SGCZ: variants seen among roughly 807,000 people sequenced by gnomAD.
SGCZ encodes the protein sarcoglycan zeta.
SGCZ carries 40 observed loss-of-function variants against 41.3 expected under a neutral mutation model. That is an observed-to-expected ratio of 0.97 (90% confidence interval 0.75 to 1.26). SGCZ has a LOEUF of 1.26. SGCZ is among the 50% of genes most tolerant of loss of function. The pLI is 0.00. For missense variants in SGCZ, 552 were observed against 369.8 expected (o/e 1.49, Z -4.04); for synonymous variants, 206 against 137.5 (o/e 1.50, Z -3.49).
chr8:14,592,393 G>C (rs1805268446), intron 1 of SGCZ, among the ~76,000 whole-genome samples: 2 of 151,988 alleles, frequency 1.3e-5, no homozygotes, highest in African/African-American at 4.8e-5. Flanking sequence ...ATTTTCTACT[G>C]TCATTGCTTT....
intron 5 of SGCZ, among the ~76,000 whole-genome samples, chr8:14,144,670 C>G (rs1362579848): frequency 6.6e-6 from 1 of 151,900 alleles, no homozygotes; most frequent in Non-Finnish European, 1.5e-5. Flanking sequence ...GAGCACCAAG[C>G]AGGCTCCTGG....
intron 1 of SGCZ, among the ~76,000 whole-genome samples, chr8:15,061,822 T>C (rs1468946191): frequency 1.3e-5 from 2 of 152,150 alleles, no homozygotes; most frequent in Non-Finnish European, 2.9e-5. Context: ...TATTTTGGTA[T>C]AACAGCACAA....
intron 1 of SGCZ, among the ~76,000 whole-genome samples, chr8:14,635,982 A>T (rs1806815204): frequency 6.6e-6 from 1 of 151,952 alleles, no homozygotes; most frequent in Non-Finnish European, 1.5e-5. Context: ...CTACCCAAGA[A>T]GGTTTGGTTA....
At chr8:14,783,879 G>C (rs775241007) in intron 1 of SGCZ, among the ~76,000 whole-genome samples, 8 of 152,136 alleles carry the variant, frequency 5.3e-5, no homozygotes, top group Non-Finnish European at 1.0e-4. Context: ...ACAAAGATAA[G>C]TGGAAAGTTT....
chr8:14,148,239 T>C (rs1047103484), intron 5 of SGCZ, among the ~76,000 whole-genome samples: 1 of 151,420 alleles, frequency 6.6e-6, no homozygotes, highest in South Asian at 2.1e-4. Flanking sequence ...TTTTAAAAAG[T>C]ACAAAATATC....
rs192473732 is a variant in SGCZ, at chr8:14,823,151, C to T, written c.40-268225G>A. Among the ~76,000 whole-genome samples the T allele has an allele frequency of 4.2e-3, 624 of 148,632 alleles. 6 individuals carry two copies. Among genetic ancestry groups the T allele is most frequent in the African/African-American group, 0.015 (595 of 40,388 alleles). On this transcript the variant is annotated intron_variant, in intron 1 of 7. Coordinates refer to ENST00000382080, the MANE Select transcript of SGCZ (RefSeq NM_139167.4). ...AAATAAAAGGAAAACAGTGGAAATG[C>T]TTCATGACATTGGGCTAGGCAAGAA...
At chr8:14,904,096 G>A (rs1014059664) in intron 1 of SGCZ, among the ~76,000 whole-genome samples, 6 of 152,098 alleles carry the variant, frequency 3.9e-5, no homozygotes, top group South Asian at 4.2e-4. Flanking sequence ...CATACTAGTC[G>A]TGCATTATTA....
At position 14,084,877 on chromosome 8, in the gene SGCZ, A is replaced by T. The variant is rs73213889; in HGVS notation, c.*5566T>A. Among the ~76,000 whole-genome samples the T allele has an allele frequency of 0.038, 5,815 of 151,932 alleles. 118 individuals are homozygous for T. Among genetic ancestry groups the T allele is most frequent in the East Asian group, 0.071 (362 of 5,134 alleles). On this transcript the variant is annotated 3_prime_UTR_variant, in exon 8 of 8. Coordinates refer to ENST00000382080, the MANE Select transcript of SGCZ (RefSeq NM_139167.4). The stretch of plus-strand genomic sequence containing the variant: ...TTATCCTCTTTGTTTTGACTATCAC[A>T]TTTAATCATGGTTACATAGTAGCAC...
At chr8:14,185,714 C>T (rs1045221547) in intron 4 of SGCZ, among the ~76,000 whole-genome samples, 1 of 152,106 alleles carries the variant, frequency 6.6e-6, no homozygotes, top group African/African-American at 2.4e-5. Flanking sequence ...CCTGCTCACT[C>T]ATCGTCTTTC....
intron 2 of SGCZ, among the ~76,000 whole-genome samples, chr8:14,530,667 A>G (rs936102194): frequency 8.5e-6 from 1 of 117,464 alleles, no homozygotes; most frequent in Non-Finnish European, 1.7e-5. Context: ...TCAGAACTAT[A>G]TAAGTTAAAA....
At chr8:14,949,862 T>C (rs933639517) in intron 1 of SGCZ, among the ~76,000 whole-genome samples, 2 of 152,116 alleles carry the variant, frequency 1.3e-5, no homozygotes, top group Non-Finnish European at 2.9e-5. Context: ...AAAAATCGTT[T>C]CATCCAAAGT....
intron 1 of SGCZ, among the ~76,000 whole-genome samples, chr8:14,915,371 T>C (rs1799401805): frequency 6.6e-6 from 1 of 151,584 alleles, no homozygotes; most frequent in Admixed American, 6.6e-5. Flanking sequence ...GGACTAGGAG[T>C]CCTCGGTAAG....
chr8:14,147,535 C>T (rs181435680), intron 5 of SGCZ, among the ~76,000 whole-genome samples: 1 of 152,228 alleles, frequency 6.6e-6, no homozygotes, highest in Non-Finnish European at 1.5e-5. Context: ...AATAGATCTG[C>T]ACCCAACACT....
At chr8:14,677,013 G>C (rs1418517954) in intron 1 of SGCZ, among the ~76,000 whole-genome samples, 1 of 151,570 alleles carries the variant, frequency 6.6e-6, no homozygotes, top group Non-Finnish European at 1.5e-5. Flanking sequence ...AAGGAAGGAA[G>C]AAATAAAACA....
intron 1 of SGCZ, among the ~76,000 whole-genome samples, chr8:14,841,241 A>G (rs1021120106): frequency 1.3e-5 from 2 of 152,160 alleles, no homozygotes; most frequent in Admixed American, 1.3e-4. Flanking sequence ...TGTAAACTAA[A>G]GAGCAATCCA....
chr8:15,090,056 T>C (rs1806099126), intron 1 of SGCZ, among the ~76,000 whole-genome samples: 1 of 152,204 alleles, frequency 6.6e-6, no homozygotes, highest in South Asian at 2.1e-4. Flanking sequence ...TTGTATGTTA[T>C]CAGTCAACAT....
At chr8:14,174,916 T>A (rs1028279565) in intron 4 of SGCZ, among the ~76,000 whole-genome samples, 4 of 152,176 alleles carry the variant, frequency 2.6e-5, no homozygotes, top group Admixed American at 1.3e-4. Context: ...TCTTCCCTTT[T>A]GATGGATCTG....
intron 1 of SGCZ, among the ~76,000 whole-genome samples, chr8:15,086,141 G>A (rs942808027): frequency 6.6e-6 from 1 of 152,096 alleles, no homozygotes; most frequent in African/African-American, 2.4e-5. Context: ...AACAAGAGTG[G>A]TAAATTTAAA....
At chr8:14,472,566 ATT>A in intron 2 of SGCZ, among the ~76,000 whole-genome samples, 1 of 152,124 alleles carries the variant, frequency 6.6e-6, no homozygotes, top group Non-Finnish European at 1.5e-5. Context: ...CTGGGATATC[ATT>A]ACATTATAAG....
Sources: gnomAD v4.1 joint callset for allele counts (sites outside exome capture counted in the v4.1 genomes callset) on GRCh38, gnomAD v4.1.1 for gene constraint, MANE v1.5 for transcripts, NCBI Gene and HGNC (gene_info 2026-07-23, HGNC 2026-07-21) for gene names.